GUF1: variants seen among roughly 807,000 people sequenced by gnomAD.
The protein encoded by GUF1 is translation factor GUF1, mitochondrial.
Under a neutral mutation model 82.4 loss-of-function variants are expected in GUF1, and 78 were observed. The ratio of observed to expected loss-of-function variants is 0.95; its 90% CI spans 0.79 to 1.14. GUF1 has a LOEUF of 1.14. GUF1 is among the 50% of genes most tolerant of loss of function. The pLI is 0.00. For missense variants in GUF1, 814 were observed against 798.2 expected (o/e 1.02, Z -0.24); for synonymous variants, 279 against 282.3 (o/e 0.99, Z 0.12).
chr4:44,698,747 A>T lies in GUF1; in HGVS notation c.*66A>T. 1 of 1,446,838 alleles carries T rather than the reference A, an allele frequency of 6.9e-7. No individual in the cohort carries two copies. 89.6% of individuals were successfully genotyped at this position (1,446,838 alleles called of 1,614,324 possible). On this transcript the variant is annotated 3_prime_UTR_variant, in exon 17 of 17. Coordinates refer to ENST00000281543, the MANE Select transcript of GUF1 (RefSeq NM_021927.3). ...TGCTGACAACAGAAAGAAAATTATAAAATTTGCTTGTTACTTTCAGGGTAT... is the reference window on the plus strand; with the variant it reads ...TGCTGACAACAGAAAGAAAATTATATAATTTGCTTGTTACTTTCAGGGTAT...
At chr4:44,680,286 AGCCAT>A (rs1294524546) in intron 1 of GUF1, among the ~76,000 whole-genome samples, 150 bp from the exon 2 acceptor site, 2 of 152,198 alleles carry the variant, frequency 1.3e-5, no homozygotes, top group Admixed American at 1.3e-4. Flanking sequence ...ATATGAACTT[AGCCAT>A]ACATGTCTTT....
At chr4:44,684,607 A>G (rs1714947098) in intron 6 of GUF1, among the ~76,000 whole-genome samples, 1 of 152,126 alleles carries the variant, frequency 6.6e-6, no homozygotes, top group Admixed American at 6.6e-5. Flanking sequence ...CCAGCTATTA[A>G]TGGTAGCCCA....
chr4:44,684,767 A>G (rs958214228), intron 6 of GUF1, among the ~76,000 whole-genome samples: 7 of 152,066 alleles, frequency 4.6e-5, no homozygotes, highest in Non-Finnish European at 8.8e-5. Flanking sequence ...ATTAATAAAG[A>G]ACCTTAATTT....
chr4:44,688,281 T>A (rs1715192685), intron 9 of GUF1, 135 bp downstream of exon 9: 2 of 875,300 alleles, frequency 2.3e-6, no homozygotes, highest in African/African-American at 3.4e-5. Context: ...TTTCACTTTG[T>A]GCTGTTTATC....
Position 44,678,619 on chromosome 4 carries a change from G to T in GUF1, c.-4G>T. The T allele has an allele frequency of 2.1e-6, 3 of 1,452,876 alleles. No individual in the cohort carries two copies. The highest frequency in any genetic ancestry group is 2.7e-6 in the Non-Finnish European group (3 of 1,113,234). The allele number at this position is 1,452,876 out of a possible 1,614,324, so 90.0% of individuals were successfully genotyped here. On this transcript the variant is annotated 5_prime_UTR_variant, in exon 1 of 17. Coordinates refer to ENST00000281543, the MANE Select transcript of GUF1 (RefSeq NM_021927.3). ...CCTCTCCTGACGCCTCCGCCGCCCGGGTCATGTGGACCCTCGTGGGTCGGG... is the reference window on the plus strand; with the variant it reads ...CCTCTCCTGACGCCTCCGCCGCCCGTGTCATGTGGACCCTCGTGGGTCGGG...
Position 44,700,030 on chromosome 4 carries a change from T to C in GUF1, c.*1349T>C, listed in dbSNP as rs924176000. Reference sequence around the variant, plus strand: ...AACGAACAAACCAGACTGCAGACTGTATTAGAGCAAGACAACATCATTTAG... The same window carrying C: ...AACGAACAAACCAGACTGCAGACTGCATTAGAGCAAGACAACATCATTTAG... On this transcript the variant is annotated 3_prime_UTR_variant, in exon 17 of 17. Coordinates refer to ENST00000281543, the MANE Select transcript of GUF1 (RefSeq NM_021927.3). The C allele has an allele frequency of 1.3e-5, 2 of 152,222 alleles. No individual in the cohort carries two copies. Among genetic ancestry groups the C allele is most frequent in the African/African-American group, 4.8e-5 (2 of 41,460 alleles). 9.4% of individuals were successfully genotyped at this position (152,222 alleles called of 1,614,324 possible). A position where few individuals can be genotyped will look rare whatever the true frequency, so the allele number is the denominator to read the frequency against.
intron 7 of GUF1, 139 bp from the exon 8 acceptor site, chr4:44,686,371 A>C: frequency 2.0e-6 from 1 of 503,826 alleles, no homozygotes; most frequent in East Asian, 3.1e-5. Flanking sequence ...AATATATTTT[A>C]TAAAAAGGTC....
At chr4:44,696,152 C>T (rs562424232) in intron 15 of GUF1, among the ~76,000 whole-genome samples, 6 of 152,236 alleles carry the variant, frequency 3.9e-5, no homozygotes, top group African/African-American at 1.2e-4. Flanking sequence ...TGCTTCCCCA[C>T]TTCCGCAGAG....
intron 4 of GUF1, among the ~76,000 whole-genome samples, chr4:44,681,726 CTCTT>C (rs1227388755): frequency 6.6e-6 from 1 of 152,014 alleles, no homozygotes; most frequent in Non-Finnish European, 1.5e-5. Context: ...TTCTCACAAA[CTCTT>C]CATTCAAAAC....
chr4:44,698,561 C>T lies in GUF1; in HGVS notation c.1890C>T (p.Thr630=), dbSNP rs1715995585. 6.3e-7 allele frequency: 1 copy of T among 1,595,504 alleles called. No individual in the cohort carries two copies. Among genetic ancestry groups the T allele is most frequent in the South Asian group, 1.2e-5 (1 of 86,770 alleles). The stretch of plus-strand genomic sequence containing the variant: ...TTTTTCAGTATGGTGGTGATATTAC[C>T]CGAAAAATGAAGCTTTTGAAGAGAC... ...VLAKCYGGDI[T]RKMKLLKRQA... Residue 630 remains threonine (T), a synonymous_variant, in exon 17 of 17, where the codon ACC becomes ACT. Coordinates refer to ENST00000281543, the MANE Select transcript of GUF1 (RefSeq NM_021927.3).
chr4:44,697,437 C>T lies in GUF1; in HGVS notation c.1865C>T (p.Ala622Val). Reference protein sequence around the residue: ...TVKAYRKNVLAKCYGGDITRK... With the variant: ...TVKAYRKNVLVKCYGGDITRK... Reference sequence around the variant, plus strand: ...AAAGCCTATAGGAAAAACGTTTTGGCAAAATGTGTATGTATCTAGTTGTAT... The same window carrying T: ...AAAGCCTATAGGAAAAACGTTTTGGTAAAATGTGTATGTATCTAGTTGTAT... The change falls in exon 16 of 17, where the codon GCA becomes GTA. Residue 622 changes from alanine to valine, a missense_variant. By Grantham distance (64) the Ala-to-Val change is moderately conservative. Transcript: ENST00000281543. The T allele has an allele frequency of 6.4e-7, 1 of 1,553,954 alleles. No individual in the cohort carries two copies. Among genetic ancestry groups the T allele is most frequent in the South Asian group, 1.2e-5 (1 of 86,580 alleles).
chr4:44,680,524 T>G lies in GUF1; in HGVS notation c.249T>G (p.Thr83=). The G allele has an allele frequency of 6.2e-7, 1 of 1,608,490 alleles. No homozygotes were observed. The highest frequency in any genetic ancestry group is 8.5e-7 in the Non-Finnish European group (1 of 1,176,524). ...CACACGTGGATCATGGCAAAAGTAC[T>G]TTAGCTGACAGGCTCCTAGAACTTA... ...IVAHVDHGKS[T]LADRLLELTG... Residue 83 remains threonine, a synonymous_variant, in exon 2 of 17, where the codon ACT becomes ACG. Transcript: ENST00000281543.
At chr4:44,697,505 G>A (rs1182673438) in intron 16 of GUF1, 61 bp downstream of exon 16, 18 of 816,664 alleles carry the variant, frequency 2.2e-5, no homozygotes, top group Non-Finnish European at 2.9e-5. Context: ...ATCAAAGGGG[G>A]CATAAACTTA....
rs983557925 is a variant in GUF1, at chr4:44,678,556, G to GA, written c.-59dup. On this transcript the variant is annotated 5_prime_UTR_variant, in exon 1 of 17. Transcript: ENST00000281543. ...ACCGGATCCTACGGGGGGTACCTTC[G>GA]AAAAAAAACGGGCTATGCTGCTGTT... is the stretch of plus-strand genomic sequence containing the variant. The GA allele has an allele frequency of 1.3e-4, 173 of 1,307,654 alleles. No homozygotes were observed. The highest frequency in any genetic ancestry group is 2.0e-4 in the South Asian group (10 of 51,032). 81.0% of individuals were successfully genotyped at this position (1,307,654 alleles called of 1,614,324 possible).
At position 44,688,139 on chromosome 4, in the gene GUF1, A is replaced by G; in HGVS notation, c.1071A>G (p.Val357=). ...LPGFKSAKPM[V]FAGMYPLDQS... is the part of the protein sequence containing the mutation. ...GGTTTAAATCAGCGAAACCAATGGT[A>G]TTTGCAGGTGAGGAGTTCACAAATT... Residue 357 remains valine (V), a synonymous_variant, in exon 9 of 17, where the codon GTA becomes GTG. Coordinates refer to ENST00000281543, the MANE Select transcript of GUF1 (RefSeq NM_021927.3). 1 of 1,610,734 alleles carries G rather than the reference A, an allele frequency of 6.2e-7. No individual in the cohort carries two copies. The highest frequency in any genetic ancestry group is 8.5e-7 in the Non-Finnish European group (1 of 1,177,966).
chr4:44,688,037 T>G lies in GUF1; in HGVS notation c.969T>G (p.Ala323=), dbSNP rs1437459152. Residue 323 remains alanine (A), a synonymous_variant, in exon 9 of 17, where the codon GCT becomes GCG. Coordinates refer to ENST00000281543, the MANE Select transcript of GUF1 (RefSeq NM_021927.3). ...CAGGACAGGTGGGCTATCTGATTGCTGGGATGAAAGATGTCACTGAAGCGC... is the reference window on the plus strand; with the variant it reads ...CAGGACAGGTGGGCTATCTGATTGCGGGGATGAAAGATGTCACTGAAGCGC... ...LYAGQVGYLI[A]GMKDVTEAQI... is the part of the protein sequence containing the mutation. 1.9e-6 allele frequency: 3 copies of G among 1,612,320 alleles called. No individual in the cohort carries two copies. Among genetic ancestry groups the G allele is most frequent in the Admixed American group, 1.7e-5 (1 of 59,928 alleles).
At chr4:44,690,618 A>T (rs1289239361) in intron 11 of GUF1, 99 bp from the exon 12 acceptor site, 1 of 641,454 alleles carries the variant, frequency 1.6e-6, no homozygotes, top group Non-Finnish European at 2.6e-6. Context: ...TTAATATTAA[A>T]TGATTACAGC....
intron 13 of GUF1, among the ~76,000 whole-genome samples, chr4:44,693,355 A>G (rs1213866287): frequency 1.3e-5 from 2 of 152,140 alleles, no homozygotes; most frequent in Admixed American, 1.3e-4. Context: ...AATTTTTAAG[A>G]TTTTTAATAT....
At position 44,689,352 on chromosome 4, in the gene GUF1, AT is replaced by A; in HGVS notation, c.1146del (p.Asn382LysfsTer5). 1 of 1,610,790 alleles carries A rather than the reference AT, an allele frequency of 6.2e-7. No homozygotes were observed. Among genetic ancestry groups the A allele is most frequent in the Non-Finnish European group, 8.5e-7 (1 of 1,177,858 alleles). The stretch of plus-strand genomic sequence containing the variant: ...AGTGCTATAGAAAAACTGACTTTAA[AT>A]GATTCCAGTGTGACCGTTCATCGGG... ...LKSAIEKLTL[N>X]DSSVTVHRDS... On this transcript the variant is annotated frameshift_variant, in exon 10 of 17. Coordinates refer to ENST00000281543, the MANE Select transcript of GUF1 (RefSeq NM_021927.3). LOFTEE classifies it high-confidence loss of function.
Sources: gnomAD v4.1 joint callset for allele counts (sites outside exome capture counted in the v4.1 genomes callset) on GRCh38, gnomAD v4.1.1 for gene constraint, MANE v1.5 for transcripts, NCBI Gene and HGNC (gene_info 2026-07-23, HGNC 2026-07-21) for gene names.